The following INSL6 variants were observed in gnomAD, a reference collection of about 807,000 sequenced individuals.
INSL6 encodes the protein insulin like 6, also known as insulin-like peptide INSL6.
Under a neutral mutation model 9.4 loss-of-function variants are expected in INSL6, and 16 were observed. The observed-to-expected ratio is 1.70, with a 90% CI of 1.15 to 2.59. The LOEUF (loss-of-function observed/expected upper bound fraction) is 2.59, where lower values mean the gene tolerates loss of function less well. Among genes scored for constraint, INSL6 ranks in the 30% most tolerant of loss-of-function variants. INSL6 has a pLI of 0.00. For synonymous variants in INSL6, 154 were observed against 96.9 expected (o/e 1.59, Z -3.46); for missense variants, 391 against 257.3 (o/e 1.52, Z -3.56).
chr9:5,002,188 C>A, the INSL6 span, among the ~76,000 whole-genome samples: 42,440 of 150,844 alleles, frequency 0.28, 6,344 homozygotes, highest in African/African-American at 0.39. Flanking sequence ...GTTCTTTATT[C>A]TTTCTTCACT....
chr9:5,169,310 A>G (rs1825128800), intron 1 of INSL6, among the ~76,000 whole-genome samples: 1 of 152,222 alleles, frequency 6.6e-6, no homozygotes, highest in African/African-American at 2.4e-5. Flanking sequence ...AGGATTTTCC[A>G]AACAAGCAAA....
the INSL6 span, among the ~76,000 whole-genome samples, chr9:5,016,455 A>T: frequency 0.24 from 37,260 of 152,088 alleles, 4,900 homozygotes; most frequent in South Asian, 0.31. Flanking sequence ...CTGCAAACCA[A>T]ATTGCAAAAT....
At chr9:5,050,990 T>C in the INSL6 span, among the ~76,000 whole-genome samples, 1 of 152,218 alleles carries the variant, frequency 6.6e-6, no homozygotes, top group Admixed American at 6.5e-5. Context: ...AGATTTTGGA[T>C]ATTTCCAGAT....
At chr9:5,039,684 TAC>T in the INSL6 span, among the ~76,000 whole-genome samples, 1 of 152,194 alleles carries the variant, frequency 6.6e-6, no homozygotes, top group East Asian at 1.9e-4. Context: ...TGTATTTCTA[TAC>T]AGAGACAAAG....
chr9:5,136,248 G>C (rs1824385016), intron 2 of INSL6, among the ~76,000 whole-genome samples: 1 of 152,064 alleles, frequency 6.6e-6, no homozygotes, highest in Non-Finnish European at 1.5e-5. Context: ...GAAAAAGAGG[G>C]AATCCTCCCT....
chr9:5,069,907 T>A, the INSL6 span: 1 of 1,533,062 alleles, frequency 6.5e-7, no homozygotes. Context: ...GTGATATATA[T>A]GTATTTTATT....
At chr9:5,056,640 C>T in the INSL6 span, among the ~76,000 whole-genome samples, 2 of 152,058 alleles carry the variant, frequency 1.3e-5, no homozygotes, top group African/African-American at 2.4e-5. Flanking sequence ...GTTTGTACCC[C>T]CTACACCTTG....
At chr9:5,085,922 C>T in the INSL6 span, 7 of 1,059,192 alleles carry the variant, frequency 6.6e-6, no homozygotes, top group Non-Finnish European at 1.0e-5. Flanking sequence ...ACAGACCTTT[C>T]AAGTCTCTCC....
the INSL6 span, chr9:5,112,679 G>A: frequency 1.1e-6 from 1 of 940,072 alleles, no homozygotes; most frequent in African/African-American, 1.7e-5. Context: ...GGCCGTCTCG[G>A]TCATCCTGAA....
At chr9:5,127,528 G>A (rs533961071) in intron 3 of INSL6, 1 of 231,000 alleles carries the variant, frequency 4.3e-6, no homozygotes, top group African/African-American at 2.2e-5. Flanking sequence ...TTTTATTATG[G>A]TTTCCCTTGT....
At chr9:5,089,988 A>C in the INSL6 span, 1 of 506,116 alleles carries the variant, frequency 2.0e-6, no homozygotes. Flanking sequence ...GCATTCTATA[A>C]TGACTAGAGA....
chr9:5,180,019 G>A (rs1304893020), intron 1 of INSL6, among the ~76,000 whole-genome samples: 1 of 152,170 alleles, frequency 6.6e-6, no homozygotes, highest in East Asian at 1.9e-4. Context: ...GCAAAAAAAA[G>A]AAGTCAATCC....
intron 2 of INSL6, among the ~76,000 whole-genome samples, chr9:5,138,843 C>CT (rs1033639743): frequency 6.6e-6 from 1 of 151,982 alleles, no homozygotes; most frequent in African/African-American, 2.4e-5. Context: ...AAAAGTGCCT[C>CT]TTTTTTCAAT....
chr9:5,075,547 G>A, the INSL6 span, among the ~76,000 whole-genome samples: 20 of 152,320 alleles, frequency 1.3e-4, no homozygotes, highest in African/African-American at 4.6e-4. Flanking sequence ...AAGCCTAGAT[G>A]ACAGCACATC....
chr9:5,001,331 T>C, the INSL6 span, among the ~76,000 whole-genome samples: 52 of 152,326 alleles, frequency 3.4e-4, no homozygotes, highest in Non-Finnish European at 1.0e-4. Flanking sequence ...TGTTTGTAGA[T>C]GATCTTTATT....
At chr9:5,126,739 T>C in intron 3 of INSL6, 1 of 1,611,178 alleles carries the variant, frequency 6.2e-7, no homozygotes. Flanking sequence ...CGCCCCTCCT[T>C]TAGGGATCTA....
the INSL6 span, chr9:5,029,678 C>G: frequency 3.4e-5 from 34 of 1,007,292 alleles, no homozygotes; most frequent in African/African-American, 4.3e-4. Flanking sequence ...ACATTTTGTT[C>G]CGATTTTAAG....
chr9:5,048,107 A>G, the INSL6 span, among the ~76,000 whole-genome samples: 4 of 152,028 alleles, frequency 2.6e-5, no homozygotes, highest in South Asian at 8.3e-4. Flanking sequence ...TAGAATTTCC[A>G]CATGAGCAGA....
At chr9:5,022,089 A>T in the INSL6 span, 5 of 1,613,748 alleles carry the variant, frequency 3.1e-6, no homozygotes, top group Non-Finnish European at 4.2e-6. Context: ...CTATGAAGCA[A>T]ATAGATCCAG....
Sources: allele counts gnomAD v4.1 joint callset (sites outside exome capture counted in the v4.1 genomes callset), GRCh38; gene constraint gnomAD v4.1.1; transcripts MANE v1.5; gene names NCBI Gene and HGNC (gene_info 2026-07-23, HGNC 2026-07-21).